Variants in TENM4 observed in about 807,000 individuals in gnomAD.
TENM4 encodes the protein teneurin-4.
Under a neutral mutation model 243.3 loss-of-function variants are expected in TENM4, and 82 were observed. The ratio of observed to expected loss-of-function variants is 0.34; its 90% CI spans 0.28 to 0.40. The LOEUF (loss-of-function observed/expected upper bound fraction) is 0.40, where lower values mean the gene tolerates loss of function less well. Among genes scored for constraint, TENM4 ranks in the 10% least tolerant of loss-of-function variants. The pLI is 1.00. For synonymous variants in TENM4, 1,412 were observed against 1,456.3 expected (o/e 0.97, Z 0.69); for missense variants, 3,138 against 3,673.3 (o/e 0.85, Z 3.77).
chr11:78,729,183 C>T (rs867749785), intron 22 of TENM4, among the ~76,000 whole-genome samples, 193 bp downstream of exon 22: 2 of 151,946 alleles, frequency 1.3e-5, no homozygotes, highest in Non-Finnish European at 2.9e-5. Flanking sequence ...TTGTAATGGT[C>T]GGGTTTTCTA....
At chr11:79,299,300 T>C (rs987616769) in intron 1 of TENM4, among the ~76,000 whole-genome samples, 1 of 152,116 alleles carries the variant, frequency 6.6e-6, no homozygotes, top group Non-Finnish European at 1.5e-5. Flanking sequence ...TTAGTCTATG[T>C]CAAGAAAGTC....
At chr11:79,192,842 C>T (rs1044764223) in intron 3 of TENM4, among the ~76,000 whole-genome samples, 15 of 152,112 alleles carry the variant, frequency 9.9e-5, no homozygotes, top group South Asian at 2.1e-4. Flanking sequence ...ATAACCTAGA[C>T]GATATGATTA....
At position 78,673,275 on chromosome 11, in the gene TENM4, T is replaced by C. The variant is rs932211866; in HGVS notation, c.5497-946A>G. Among the ~76,000 whole-genome samples the C allele has an allele frequency of 1.8e-4, 28 of 152,290 alleles. No homozygotes were observed. The East Asian group carries it at 2.7e-3, about 15-fold the overall frequency. ...TGTATTTGGATCTGCCCTGTAGGCA[T>C]TGGTGGCCCCTGAAATATTGCCAGG... On this transcript the variant is annotated intron_variant, in intron 30 of 33. Coordinates refer to ENST00000278550, the MANE Select transcript of TENM4 (RefSeq NM_001098816.3).
chr11:79,145,724 T>A (rs1862384366), intron 4 of TENM4, among the ~76,000 whole-genome samples: 1 of 152,130 alleles, frequency 6.6e-6, no homozygotes, highest in South Asian at 2.1e-4. Context: ...TCCAGTGTCA[T>A]CAAACCAATT....
At chr11:79,102,424 C>A (rs942892670) in intron 4 of TENM4, among the ~76,000 whole-genome samples, 2 of 152,136 alleles carry the variant, frequency 1.3e-5, no homozygotes, top group Non-Finnish European at 2.9e-5. Flanking sequence ...CCTCAGCCAC[C>A]CTTCGAAAAA....
At chr11:79,161,303 A>T (rs1862741860) in intron 3 of TENM4, among the ~76,000 whole-genome samples, 2 of 152,178 alleles carry the variant, frequency 1.3e-5, no homozygotes, top group African/African-American at 4.8e-5. Flanking sequence ...CTCTTGCCTT[A>T]CCTTATTCCA....
At chr11:78,947,871 C>T (rs1857033041) in intron 6 of TENM4, among the ~76,000 whole-genome samples, 1 of 152,146 alleles carries the variant, frequency 6.6e-6, no homozygotes, top group Non-Finnish European at 1.5e-5. Context: ...ATCACAACTG[C>T]CAAACCATCG....
At chr11:78,771,894 C>T (rs1856653739) in intron 17 of TENM4, among the ~76,000 whole-genome samples, 1 of 152,224 alleles carries the variant, frequency 6.6e-6, no homozygotes, top group African/African-American at 2.4e-5. Flanking sequence ...ATCTGCCTGC[C>T]TGTCTGTCAT....
chr11:78,813,148 G>A (rs896713072), intron 13 of TENM4, among the ~76,000 whole-genome samples: 1 of 152,176 alleles, frequency 6.6e-6, no homozygotes, highest in African/African-American at 2.4e-5. Flanking sequence ...TTTCCTTGGG[G>A]CTGCTAGCTT....
chr11:78,990,756 G>T (rs930763355), intron 6 of TENM4, among the ~76,000 whole-genome samples: 4 of 152,048 alleles, frequency 2.6e-5, no homozygotes, highest in Non-Finnish European at 5.9e-5. Context: ...CTTTAGCAGC[G>T]CTTGAATTTT....
chr11:78,853,256 T>G (rs1858587186), intron 12 of TENM4, among the ~76,000 whole-genome samples: 1 of 152,338 alleles, frequency 6.6e-6, no homozygotes, highest in Non-Finnish European at 1.5e-5. Context: ...CTCCAGACTA[T>G]GTCATAGTGC....
chr11:79,347,580 G>A (rs1162001267), intron 1 of TENM4, among the ~76,000 whole-genome samples: 2 of 152,086 alleles, frequency 1.3e-5, no homozygotes, highest in Non-Finnish European at 2.9e-5. Context: ...ACTGTTTGCA[G>A]TAGGGCCCCG....
chr11:79,325,681 C>T (rs1000422228), intron 1 of TENM4, among the ~76,000 whole-genome samples: 9 of 152,328 alleles, frequency 5.9e-5, no homozygotes, highest in African/African-American at 2.2e-4. Context: ...TAGGAAAGTA[C>T]CCAGTACCCA....
At chr11:79,121,077 C>G (rs1274983210) in intron 4 of TENM4, among the ~76,000 whole-genome samples, 1 of 152,188 alleles carries the variant, frequency 6.6e-6, no homozygotes, top group Non-Finnish European at 1.5e-5. Context: ...CCAAAACACT[C>G]TTAGATGGGG....
chr11:78,927,469 AGTTTATAC>A (rs1856576839), intron 6 of TENM4, among the ~76,000 whole-genome samples: 1 of 152,238 alleles, frequency 6.6e-6, no homozygotes, highest in Non-Finnish European at 1.5e-5. Flanking sequence ...AATGAGAAAA[AGTTTATAC>A]AGGTCAAAAA....
rs190759070 is a variant in TENM4, at chr11:78,926,303, G to C, written c.494-22780C>G. 2.1e-3 allele frequency among the ~76,000 whole-genome samples: 301 copies of C among 146,702 alleles called. 2 individuals carry two copies. Among genetic ancestry groups the C allele is most frequent in the Middle Eastern group, 0.018 (5 of 280 alleles). On this transcript the variant is annotated intron_variant, in intron 6 of 33. Coordinates refer to ENST00000278550, the MANE Select transcript of TENM4 (RefSeq NM_001098816.3). ...TTTTTTTTTTTTTTTTTGAGGCAGAGTCTTTCTCTGTCGCCCAGGCTGGAG... is the reference window on the plus strand; with the variant it reads ...TTTTTTTTTTTTTTTTTGAGGCAGACTCTTTCTCTGTCGCCCAGGCTGGAG...
intron 1 of TENM4, among the ~76,000 whole-genome samples, chr11:79,325,827 C>T (rs1467066875): frequency 2.0e-5 from 3 of 152,192 alleles, no homozygotes; most frequent in African/African-American, 7.2e-5. Context: ...TTAACCCCAG[C>T]AGTAGAAGTT....
At chr11:78,747,066 G>T (rs1368930206) in intron 19 of TENM4, among the ~76,000 whole-genome samples, 1 of 152,222 alleles carries the variant, frequency 6.6e-6, no homozygotes, top group Non-Finnish European at 1.5e-5. Flanking sequence ...ACAAAGTTCA[G>T]CTCAATAGGC....
intron 18 of TENM4, among the ~76,000 whole-genome samples, chr11:78,758,330 G>C: frequency 6.6e-6 from 1 of 152,228 alleles, no homozygotes; most frequent in South Asian, 2.1e-4. Context: ...GAATTAAATA[G>C]TGAAGCAGGG....
Sources: gnomAD v4.1 joint callset for allele counts (sites outside exome capture counted in the v4.1 genomes callset) on GRCh38, gnomAD v4.1.1 for gene constraint, MANE v1.5 for transcripts, NCBI Gene and HGNC (gene_info 2026-07-23, HGNC 2026-07-21) for gene names.